The following KIF26B variants were observed in gnomAD, a reference collection of about 807,000 sequenced individuals.
The protein encoded by KIF26B is kinesin-like protein KIF26B.
KIF26B carries 63 observed loss-of-function variants against 151.2 expected under a neutral mutation model. The observed-to-expected ratio is 0.42, with a 90% CI of 0.34 to 0.51. The LOEUF (loss-of-function observed/expected upper bound fraction) is 0.51, where lower values mean the gene tolerates loss of function less well. KIF26B is among the 20% of genes least tolerant of loss of function. The probability of loss-of-function intolerance (pLI) is 0.07; values close to 1 mark genes in which losing one functional copy is unlikely to be tolerated. For synonymous variants in KIF26B, 1,357 were observed against 1,262.1 expected, an observed-to-expected ratio of 1.08 and a Z score of -1.59; for missense variants, 2,813 against 2,913.6, an observed-to-expected ratio of 0.97 and a Z score of 0.79.
At position 245,564,016 on chromosome 1, in the gene KIF26B, A is replaced by G. The variant is rs2042981489; in HGVS notation, c.1350+23066A>G. 1.3e-5 allele frequency among the ~76,000 whole-genome samples: 2 copies of G among 152,134 alleles called. No homozygotes were observed. Among genetic ancestry groups the G allele is most frequent in the Admixed American group, 1.3e-4 (2 of 15,280 alleles). ...CCTCCACACCAAATGTGATCATTTC[A>G]TTTCGCAGCTAGATTGCTCGTGAAC... On this transcript the variant is annotated intron_variant, in intron 5 of 14. Coordinates refer to ENST00000407071, the MANE Select transcript of KIF26B (RefSeq NM_018012.4). The surrounding 1 kb of genome is among the most constrained non-coding windows in gnomAD (Gnocchi z 4.6).
intron 4 of KIF26B, among the ~76,000 whole-genome samples, chr1:245,513,101 G>A (rs1340810056): frequency 1.3e-5 from 2 of 151,956 alleles, no homozygotes; most frequent in African/African-American, 4.8e-5. Context: ...ACCATCTTTC[G>A]AGTTTCTGCT....
At chr1:245,592,356 G>A (rs1465326854) in intron 5 of KIF26B, among the ~76,000 whole-genome samples, 1 of 152,214 alleles carries the variant, frequency 6.6e-6, no homozygotes. Flanking sequence ...GGAGGGAAGA[G>A]CAGTCCAGGG....
intron 2 of KIF26B, among the ~76,000 whole-genome samples, chr1:245,208,542 TG>T (rs778514828): frequency 2.0e-5 from 3 of 152,096 alleles, no homozygotes; most frequent in Non-Finnish European, 4.4e-5. Flanking sequence ...GGCACAGCCG[TG>T]GGTACGTGCA....
intron 2 of KIF26B, among the ~76,000 whole-genome samples, chr1:245,333,339 A>G (rs1672151207): frequency 6.6e-6 from 1 of 152,250 alleles, no homozygotes; most frequent in Admixed American, 6.5e-5. Flanking sequence ...AATCAGCCAC[A>G]GTCACAAAAG....
At chr1:245,265,011 A>G (rs1408793977) in intron 2 of KIF26B, among the ~76,000 whole-genome samples, 2 of 151,726 alleles carry the variant, frequency 1.3e-5, no homozygotes, top group African/African-American at 4.8e-5. Flanking sequence ...CATCCTGGCT[A>G]ACACGGTGAA....
At chr1:245,440,137 C>T (rs1318810430) in intron 4 of KIF26B, among the ~76,000 whole-genome samples, 6 of 151,948 alleles carry the variant, frequency 3.9e-5, no homozygotes, top group South Asian at 2.1e-4. Context: ...AGGAGAATGG[C>T]GTGAACCTGG....
At chr1:245,452,096 C>G (rs1296180286) in intron 4 of KIF26B, among the ~76,000 whole-genome samples, 4 of 152,080 alleles carry the variant, frequency 2.6e-5, no homozygotes, top group African/African-American at 7.2e-5. Context: ...TAATAACTCC[C>G]CACTCTCCTC....
At chr1:245,413,230 G>T (rs574886344) in intron 3 of KIF26B, among the ~76,000 whole-genome samples, 42 of 152,294 alleles carry the variant, frequency 2.8e-4, no homozygotes, top group African/African-American at 1.0e-3. Flanking sequence ...CTTTCCACTA[G>T]CACTGTAGGG....
At chr1:245,498,544 G>A (rs1030408716) in intron 4 of KIF26B, among the ~76,000 whole-genome samples, 3 of 152,100 alleles carry the variant, frequency 2.0e-5, no homozygotes, top group Non-Finnish European at 4.4e-5. Flanking sequence ...ATAAGCAAAG[G>A]GATCATTTCT....
chr1:245,290,736 A>T (rs12753320), intron 2 of KIF26B, among the ~76,000 whole-genome samples: 17,251 of 152,240 alleles, frequency 0.11, 1,100 homozygotes, highest in African/African-American at 0.16. Flanking sequence ...CCAGCAGGTC[A>T]CAGCCTCATT....
chr1:245,695,844 G>A (rs1166083611), intron 12 of KIF26B, among the ~76,000 whole-genome samples: 1 of 86,306 alleles, frequency 1.2e-5, no homozygotes. Context: ...CAGCTCACAC[G>A]GTGCCCTGGC....
At chr1:245,666,202 A>G (rs997906001) in intron 10 of KIF26B, among the ~76,000 whole-genome samples, 2 of 151,972 alleles carry the variant, frequency 1.3e-5, no homozygotes, top group African/African-American at 4.8e-5. Flanking sequence ...GGGTTTCACC[A>G]TATTGGCCAG....
At chr1:245,257,139 C>G (rs776666167) in intron 2 of KIF26B, among the ~76,000 whole-genome samples, 25 of 148,146 alleles carry the variant, frequency 1.7e-4, no homozygotes, top group Non-Finnish European at 3.3e-4. Flanking sequence ...TTTAGATAAA[C>G]TCAACCAATT....
At chr1:245,391,887 C>G (rs1478008598) in intron 3 of KIF26B, among the ~76,000 whole-genome samples, 1 of 151,722 alleles carries the variant, frequency 6.6e-6, no homozygotes, top group Non-Finnish European at 1.5e-5. Flanking sequence ...TGCTCTTATG[C>G]CAGAGCAACC....
intron 2 of KIF26B, among the ~76,000 whole-genome samples, chr1:245,308,005 T>C (rs1671591511): frequency 1.3e-5 from 2 of 152,214 alleles, no homozygotes; most frequent in Admixed American, 1.3e-4. Context: ...TTGATATCAA[T>C]TGTTAACTCT....
chr1:245,599,940 T>C (rs2043374577), intron 5 of KIF26B, among the ~76,000 whole-genome samples: 1 of 152,064 alleles, frequency 6.6e-6, no homozygotes, highest in Non-Finnish European at 1.5e-5. Context: ...TTGGGCCCAG[T>C]GCTTCATAAC....
intron 2 of KIF26B, among the ~76,000 whole-genome samples, chr1:245,223,066 G>C (rs1669806107): frequency 6.6e-6 from 1 of 152,170 alleles, no homozygotes; most frequent in South Asian, 2.1e-4. Context: ...ACAGTGTTTG[G>C]AGACAGTTTT....
At chr1:245,637,589 A>G (rs917418823) in intron 9 of KIF26B, among the ~76,000 whole-genome samples, 8 of 151,932 alleles carry the variant, frequency 5.3e-5, no homozygotes, top group African/African-American at 1.4e-4. Flanking sequence ...ATATTCGCCA[A>G]TGTCCTGTAG....
chr1:245,605,933 G>C (rs567994615), intron 6 of KIF26B, among the ~76,000 whole-genome samples: 2 of 152,264 alleles, frequency 1.3e-5, no homozygotes, highest in South Asian at 4.2e-4. Context: ...ATCAAATACA[G>C]CTTATTTTAT....
Sources: allele counts gnomAD v4.1 joint callset (sites outside exome capture counted in the v4.1 genomes callset), GRCh38; gene constraint gnomAD v4.1.1; non-coding constraint Gnocchi (gnomAD v3.1); transcripts MANE v1.5; gene names NCBI Gene and HGNC (gene_info 2026-07-23, HGNC 2026-07-21).